SRGAP2B: variants seen among roughly 807,000 people sequenced by gnomAD.
SRGAP2B encodes SLIT-ROBO Rho GTPase activating protein 2B.
Under a neutral mutation model 22.2 loss-of-function variants are expected in SRGAP2B, and 9 were observed. That is an observed-to-expected ratio of 0.41 (90% CI 0.24 to 0.71). SRGAP2B has a LOEUF of 0.71. Ranked by LOEUF, SRGAP2B falls within the 30% of genes least tolerant of loss-of-function variation. SRGAP2B has a pLI of 0.35. For synonymous variants in SRGAP2B, 36 were observed against 87.4 expected (o/e 0.41, Z 3.28); for missense variants, 114 against 235.8 (o/e 0.48, Z 3.38).
intron 4 of SRGAP2B, among the ~76,000 whole-genome samples, chr1:144,931,197 C>T (rs185404680): frequency 1.3e-4 from 20 of 150,542 alleles, no homozygotes; most frequent in South Asian, 2.1e-4. Context: ...ACTAAAAATC[C>T]AGCTCAAATT....
chr1:144,944,678 G>C (rs1553608106), intron 4 of SRGAP2B, among the ~76,000 whole-genome samples: 2 of 138,846 alleles, frequency 1.4e-5, no homozygotes, highest in Non-Finnish European at 3.1e-5. Context: ...AGAAAGAATT[G>C]GTTGTTTTAT....
chr1:145,020,974 A>T (rs1459951428), intron 2 of SRGAP2B, among the ~76,000 whole-genome samples: 5 of 149,310 alleles, frequency 3.3e-5, no homozygotes, highest in Non-Finnish European at 5.9e-5. Flanking sequence ...AATTTTTTAA[A>T]TTTTTTTATT....
At chr1:144,980,040 T>G (rs1669204305) in intron 3 of SRGAP2B, among the ~76,000 whole-genome samples, 2 of 149,936 alleles carry the variant, frequency 1.3e-5, no homozygotes, top group South Asian at 2.1e-4. Flanking sequence ...AGAACAAGAC[T>G]GACAAATCCA....
intron 2 of SRGAP2B, among the ~76,000 whole-genome samples, chr1:145,089,264 A>G (rs1653746646): frequency 6.6e-6 from 1 of 150,822 alleles, no homozygotes; most frequent in South Asian, 2.1e-4. Context: ...TTCAAGTCAG[A>G]CATTGAGAGG....
At chr1:144,994,551 AGT>A (rs1217534528) in intron 3 of SRGAP2B, among the ~76,000 whole-genome samples, 4 of 117,052 alleles carry the variant, frequency 3.4e-5, no homozygotes, top group Non-Finnish European at 5.2e-5. Flanking sequence ...TGTGAGTGTG[AGT>A]GTGTGTGTGT....
chr1:144,940,671 C>G (rs1665961165), intron 4 of SRGAP2B, among the ~76,000 whole-genome samples: 1 of 147,692 alleles, frequency 6.8e-6, no homozygotes, highest in Non-Finnish European at 1.5e-5. Context: ...GATGTGGTAG[C>G]CCACGCCTGT....
chr1:145,019,942 C>G (rs1362070677), intron 2 of SRGAP2B, among the ~76,000 whole-genome samples: 1 of 151,120 alleles, frequency 6.6e-6, no homozygotes, highest in Non-Finnish European at 1.5e-5. Flanking sequence ...CTCAAATACA[C>G]CAAGCACACT....
chr1:145,076,267 T>G (rs1392460866), intron 2 of SRGAP2B, among the ~76,000 whole-genome samples: 2 of 149,484 alleles, frequency 1.3e-5, no homozygotes, highest in African/African-American at 5.0e-5. Context: ...GCTCAAGAGA[T>G]TCTCCTGCCT....
chr1:145,003,051 A>T (rs369902395), intron 2 of SRGAP2B, among the ~76,000 whole-genome samples: 1 of 151,562 alleles, frequency 6.6e-6, no homozygotes, highest in Non-Finnish European at 1.5e-5. Context: ...ACATGGTAAA[A>T]CCCCATCACT....
intron 8 of SRGAP2B, among the ~76,000 whole-genome samples, chr1:144,895,632 CT>C (rs1295018523): frequency 1.5e-5 from 2 of 136,350 alleles, no homozygotes; most frequent in African/African-American, 6.1e-5. Context: ...TGGAAATGAA[CT>C]GTAAATGGTT....
chr1:145,047,039 G>C (rs1649865738), intron 2 of SRGAP2B, among the ~76,000 whole-genome samples: 1 of 143,310 alleles, frequency 7.0e-6, no homozygotes, highest in Non-Finnish European at 1.5e-5. Flanking sequence ...AGCCAGGCAT[G>C]GTCGTGGGTG....
chr1:145,041,706 C>A (rs1265168418), intron 2 of SRGAP2B, among the ~76,000 whole-genome samples: 1 of 140,368 alleles, frequency 7.1e-6, no homozygotes, highest in Non-Finnish European at 1.5e-5. Flanking sequence ...TGTCACTCCC[C>A]TGCTTAAAAT....
intron 3 of SRGAP2B, among the ~76,000 whole-genome samples, chr1:144,960,326 A>G (rs587696052): frequency 6.6e-6 from 1 of 150,664 alleles, no homozygotes; most frequent in Admixed American, 6.6e-5. Context: ...TCAAGAAAAC[A>G]TCATACTATA....
chr1:144,976,151 A>G (rs587648348), intron 3 of SRGAP2B, among the ~76,000 whole-genome samples: 1 of 147,476 alleles, frequency 6.8e-6, no homozygotes, highest in South Asian at 2.1e-4. Flanking sequence ...AAGTACTGGG[A>G]TTACAGGTGT....
chr1:144,920,755 A>G (rs1382429485), intron 4 of SRGAP2B, among the ~76,000 whole-genome samples: 1 of 150,454 alleles, frequency 6.6e-6, no homozygotes, highest in Non-Finnish European at 1.5e-5. Flanking sequence ...CAACTCATTA[A>G]TGAGTCATTA....
chr1:144,994,973 A>C (rs782301298), intron 3 of SRGAP2B, 35 bp downstream of exon 3: 1 of 1,355,776 alleles, frequency 7.4e-7, no homozygotes, highest in East Asian at 2.6e-5. Context: ...CCCATATTCC[A>C]AGGTCTCAGA....
exon 4 of SRGAP2B, chr1:144,955,533 C>T (rs1231603335): frequency 5.2e-6 from 5 of 968,232 alleles, no homozygotes; most frequent in African/African-American, 1.8e-5. Context: ...ATGGTCCCTG[C>T]TTTCCCGCTT....
intron 3 of SRGAP2B, among the ~76,000 whole-genome samples, chr1:144,975,715 G>T (rs192655662): frequency 2.0e-5 from 3 of 149,702 alleles, no homozygotes; most frequent in Non-Finnish European, 4.4e-5. Context: ...CTGTTATGGC[G>T]ACATAAAACA....
At chr1:145,030,114 G>A (rs1220795656) in intron 2 of SRGAP2B, among the ~76,000 whole-genome samples, 2 of 148,828 alleles carry the variant, frequency 1.3e-5, no homozygotes, top group African/African-American at 5.1e-5. Flanking sequence ...GCCCCCTTTT[G>A]TTCTTACTCT....
Sources: allele counts gnomAD v4.1 joint callset (sites outside exome capture counted in the v4.1 genomes callset), GRCh38; gene constraint gnomAD v4.1.1; transcripts MANE v1.5; gene names NCBI Gene and HGNC (gene_info 2026-07-23, HGNC 2026-07-21).